Variants in SUN3 observed in about 807,000 individuals in gnomAD.
SUN3 encodes the protein SUN domain-containing protein 3.
Under a neutral mutation model 48.2 loss-of-function variants are expected in SUN3, and 36 were observed. The ratio of observed to expected loss-of-function variants is 0.75; its 90% CI spans 0.57 to 0.99. The LOEUF is 0.99. Ranked by LOEUF, SUN3 falls within the 50% of genes least tolerant of loss-of-function variation. The pLI is 0.00. For synonymous variants in SUN3, 148 were observed against 147.9 expected (o/e 1.00, Z 0.00); for missense variants, 419 against 433.1 (o/e 0.97, Z 0.29).
upstream of SUN3, among the ~76,000 whole-genome samples, chr7:48,032,480 T>C (rs2128786784): frequency 6.6e-6 from 1 of 152,384 alleles, no homozygotes; most frequent in South Asian, 2.1e-4. Flanking sequence ...AGGCCATTAT[T>C]TTAACATGCA....
intron 6 of SUN3, among the ~76,000 whole-genome samples, chr7:48,002,907 C>G (rs1789425969): frequency 1.3e-5 from 2 of 152,184 alleles, no homozygotes. Context: ...TTGACTTCCT[C>G]TCTTCCTATT....
At chr7:48,014,480 A>G (rs767919538) in intron 3 of SUN3, among the ~76,000 whole-genome samples, 4 of 152,214 alleles carry the variant, frequency 2.6e-5, no homozygotes, top group African/African-American at 7.2e-5. Context: ...GCTGGTAAAG[A>G]AATCGATGAG....
chr7:48,017,921 G>T (rs1039156704), intron 2 of SUN3, among the ~76,000 whole-genome samples: 2 of 152,128 alleles, frequency 1.3e-5, no homozygotes, highest in Non-Finnish European at 2.9e-5. Context: ...GCCCAACTGG[G>T]ACAAAGGACA....
At chr7:47,991,887 C>CA (rs1789074726) in intron 8 of SUN3, among the ~76,000 whole-genome samples, 2 of 152,174 alleles carry the variant, frequency 1.3e-5, no homozygotes, top group African/African-American at 4.8e-5. Flanking sequence ...CACGCCCCTC[C>CA]AGCCCCGCCT....
chr7:48,033,807 G>A (rs181458610), upstream of SUN3, among the ~76,000 whole-genome samples: 2 of 152,242 alleles, frequency 1.3e-5, no homozygotes, highest in East Asian at 1.9e-4. Context: ...TGTAATCCCA[G>A]CACTTTGTGA....
upstream of SUN3, among the ~76,000 whole-genome samples, chr7:48,029,441 T>C (rs1440513192): frequency 6.6e-6 from 1 of 152,260 alleles, no homozygotes; most frequent in Non-Finnish European, 1.5e-5. Flanking sequence ...TTATTTTTGA[T>C]ACTTTACTAT....
rs760521114 is a variant in SUN3, at chr7:47,996,109, A to G, written c.615T>C (p.Tyr205=). The part of the protein sequence containing the change: ...SIIEAGTSES[Y]KNNKAKLYWH... The stretch of plus-strand genomic sequence containing the variant: ...AGTACAATTTTGCTTTATTATTTTT[A>G]TAACTTTCTGAGGTCCCAGCTTCAA... The change falls in exon 7 of 10, where the codon TAT becomes TAC. Residue 205 remains tyrosine (Y), a synonymous_variant. Transcript: ENST00000297325. The G allele has an allele frequency of 3.1e-6, 5 of 1,595,164 alleles. No homozygotes were observed. The East Asian group carries it at 9.1e-5, about 29-fold the overall frequency.
At chr7:47,995,548 T>G (rs1161361746) in intron 7 of SUN3, among the ~76,000 whole-genome samples, 7 of 152,222 alleles carry the variant, frequency 4.6e-5, no homozygotes, top group Non-Finnish European at 1.0e-4. Context: ...TGATGGCTAC[T>G]GCCTTTAGAC....
intron 3 of SUN3, among the ~76,000 whole-genome samples, chr7:48,011,333 A>T (rs1276172550): frequency 6.6e-6 from 1 of 152,202 alleles, no homozygotes; most frequent in African/African-American, 2.4e-5. Flanking sequence ...CTATACTATA[A>T]ATGTGTTGTG....
intron 8 of SUN3, among the ~76,000 whole-genome samples, chr7:47,992,658 G>C (rs976413143): frequency 2.0e-5 from 3 of 151,652 alleles, no homozygotes; most frequent in Admixed American, 1.3e-4. Context: ...AACAAGGCTG[G>C]AGCAAAATGC....
intron 8 of SUN3, among the ~76,000 whole-genome samples, chr7:47,993,093 T>G (rs527489368): frequency 1.3e-5 from 2 of 151,578 alleles, no homozygotes; most frequent in South Asian, 4.2e-4. Flanking sequence ...AAAAAAAAAA[T>G]GTAAAGCAAT....
chr7:48,011,982 A>G (rs1483462407), intron 3 of SUN3, among the ~76,000 whole-genome samples: 1 of 152,226 alleles, frequency 6.6e-6, no homozygotes, highest in Non-Finnish European at 1.5e-5. Context: ...GCCAAAATTT[A>G]CCACATCCAC....
intron 7 of SUN3, among the ~76,000 whole-genome samples, chr7:47,995,648 A>G (rs187322655): frequency 3.0e-4 from 45 of 152,346 alleles, no homozygotes; most frequent in Admixed American, 2.6e-4. Flanking sequence ...AGCACTTAAC[A>G]TAGTACAGTA....
Position 48,005,999 on chromosome 7 carries a change from C to T in SUN3, c.547G>A (p.Glu183Lys), listed in dbSNP as rs1478524482. 11 of 1,612,934 alleles carry T rather than the reference C, an allele frequency of 6.8e-6. No individual in the cohort carries two copies. The highest frequency in any genetic ancestry group is 1.6e-4 in the Middle Eastern group (1 of 6,082). ...VLKKLREDQV[E>K]MADYALKSAG... Reference sequence around the variant, plus strand: ...GACTTCAGGGCATAATCAGCCATCTCGACTTGGTCTTCTCTCAACTTTTTA... The same window carrying T: ...GACTTCAGGGCATAATCAGCCATCTTGACTTGGTCTTCTCTCAACTTTTTA... Residue 183 changes from glutamate (E) to lysine (K), a missense_variant, in exon 6 of 10, where the codon GAG (glutamate) becomes AAG (lysine). By Grantham distance (56) the Glu-to-Lys change is moderately conservative (BLOSUM62 1). Transcript: ENST00000297325.
At chr7:48,017,568 T>C (rs966683604) in intron 2 of SUN3, among the ~76,000 whole-genome samples, 2 of 152,278 alleles carry the variant, frequency 1.3e-5, no homozygotes, top group South Asian at 4.1e-4. Context: ...TAGTAAAGAT[T>C]GACAGAATCA....
chr7:48,035,400 C>T, the SUN3 span: 1 of 625,434 alleles, frequency 1.6e-6, no homozygotes, highest in South Asian at 1.8e-5. The surrounding 1 kb of genome is among the most constrained non-coding windows in gnomAD (Gnocchi z 4.0). Flanking sequence ...CGCCCGCGCT[C>T]CGCTTCCTGC....
At chr7:48,010,969 T>C (rs1208845326) in intron 3 of SUN3, among the ~76,000 whole-genome samples, 1 of 149,878 alleles carries the variant, frequency 6.7e-6, no homozygotes, top group Non-Finnish European at 1.5e-5. Flanking sequence ...ATCACTCCAG[T>C]CTCTGCCTCT....
intron 3 of SUN3, among the ~76,000 whole-genome samples, chr7:48,012,959 T>A (rs1003099903): frequency 1.8e-4 from 28 of 152,340 alleles, no homozygotes; most frequent in African/African-American, 6.5e-4. Flanking sequence ...AGAATGCACA[T>A]GCCTTGATCT....
chr7:48,014,294 C>T (rs1450329106), intron 3 of SUN3, among the ~76,000 whole-genome samples: 2 of 152,106 alleles, frequency 1.3e-5, no homozygotes, highest in African/African-American at 2.4e-5. Context: ...AGTCTAAAAT[C>T]GGAAGGTAGA....
Sources: allele counts gnomAD v4.1 joint callset (sites outside exome capture counted in the v4.1 genomes callset), GRCh38; gene constraint gnomAD v4.1.1; non-coding constraint Gnocchi (gnomAD v3.1); transcripts MANE v1.5; gene names NCBI Gene and HGNC (gene_info 2026-07-23, HGNC 2026-07-21).